PAPSS1: variants seen among roughly 807,000 people sequenced by gnomAD.
PAPSS1 encodes the protein 3'-phosphoadenosine 5'-phosphosulfate synthase 1, also known as bifunctional 3'-phosphoadenosine 5'-phosphosulfate synthase 1.
A neutral mutation model predicts 72.0 loss-of-function variants in PAPSS1; 50 were observed. The observed-to-expected ratio is 0.69, with a 90% confidence interval of 0.55 to 0.88. The LOEUF (loss-of-function observed/expected upper bound fraction) is 0.88, where lower values mean the gene tolerates loss of function less well. PAPSS1 is among the 40% of genes least tolerant of loss of function. The pLI is 0.00. For missense variants in PAPSS1, 657 were observed against 782.2 expected, an observed-to-expected ratio of 0.84 and a Z score of 1.91; for synonymous variants, 261 against 263.6, an observed-to-expected ratio of 0.99 and a Z score of 0.09.
At chr4:107,618,744 T>C (rs1039137081) in intron 11 of PAPSS1, among the ~76,000 whole-genome samples, 2 of 152,134 alleles carry the variant, frequency 1.3e-5, no homozygotes, top group Admixed American at 6.6e-5. Flanking sequence ...AATCCATCCA[T>C]GCAGTTAGTT....
intron 5 of PAPSS1, among the ~76,000 whole-genome samples, chr4:107,661,299 G>T (rs570455381): frequency 1.3e-5 from 2 of 152,242 alleles, no homozygotes; most frequent in South Asian, 4.2e-4. Flanking sequence ...TTGCCAGTTT[G>T]TTACAAAACT....
chr4:107,695,437 C>A (rs111975108), intron 2 of PAPSS1, among the ~76,000 whole-genome samples: 2,815 of 152,214 alleles, frequency 0.018, 93 homozygotes, highest in African/African-American at 0.064. Flanking sequence ...TATCTGCAAA[C>A]AGGGACAATT....
intron 6 of PAPSS1, 78 bp from the exon 7 acceptor site, chr4:107,657,085 T>C (rs753852730): frequency 4.4e-6 from 4 of 900,250 alleles, no homozygotes; most frequent in Admixed American, 1.7e-5. Flanking sequence ...TTTAGGAATT[T>C]AATTTTGAAA....
At chr4:107,707,700 T>A (rs1173723385) in intron 1 of PAPSS1, among the ~76,000 whole-genome samples, 1 of 152,214 alleles carries the variant, frequency 6.6e-6, no homozygotes, top group Non-Finnish European at 1.5e-5. Flanking sequence ...TTTTCTGATT[T>A]CTCTGCTACA....
intron 9 of PAPSS1, among the ~76,000 whole-genome samples, chr4:107,653,126 AATATATAT>A (rs1726898174): frequency 2.0e-5 from 2 of 101,676 alleles, no homozygotes; most frequent in African/African-American, 5.7e-5. Context: ...TATATACATG[AATATATAT>A]GAATATATAT....
chr4:107,686,384 T>C (rs1380023654), intron 4 of PAPSS1, among the ~76,000 whole-genome samples: 1 of 152,246 alleles, frequency 6.6e-6, no homozygotes, highest in Non-Finnish European at 1.5e-5. Context: ...ACAATGTAAA[T>C]GTTATATAAA....
rs116907663 is a variant in PAPSS1, at chr4:107,670,624, A to T, written c.670-10552T>A. On this transcript the variant is annotated intron_variant, in intron 5 of 11. Coordinates refer to ENST00000265174, the MANE Select transcript of PAPSS1 (RefSeq NM_005443.5). ...CAGAATCATAGCTCTCTGCAGCCTC[A>T]AACTCCTGGGCTCAAGAGATCCTCG... Among the ~76,000 whole-genome samples the T allele has an allele frequency of 7.0e-4, 106 of 152,258 alleles. No homozygotes were observed. The East Asian group carries it at 0.018, about 26-fold the overall frequency.
chr4:107,621,732 T>C (rs7690127), intron 11 of PAPSS1, among the ~76,000 whole-genome samples: 6,544 of 145,720 alleles, frequency 0.045, 454 homozygotes, highest in African/African-American at 0.15. Flanking sequence ...GCCATTCTCC[T>C]GCCTCAGCCT....
At chr4:107,670,821 A>AACCAC in intron 5 of PAPSS1, among the ~76,000 whole-genome samples, 1 of 152,346 alleles carries the variant, frequency 6.6e-6, no homozygotes, top group East Asian at 1.9e-4. Context: ...TACAAGTGTG[A>AACCAC]ACCACCACAC....
intron 5 of PAPSS1, among the ~76,000 whole-genome samples, chr4:107,663,241 A>G (rs1458468396): frequency 6.6e-6 from 1 of 152,192 alleles, no homozygotes; most frequent in Non-Finnish European, 1.5e-5. Flanking sequence ...TCTATAGGTC[A>G]GTTATTTCCA....
In PAPSS1 at chr4:107,693,964, T is replaced by TGACAAA; in HGVS notation, c.217_218insTTTGTC (p.Glu73delinsValCysGln). On this transcript the variant is annotated protein_altering_variant, in exon 3 of 12. Transcript: ENST00000265174. ...AATACCATGACAAACCAGGTACTCC[T>TGACAAA]CCAAGGCCATGCTCACAGTAGTCTT... 2 of 1,613,692 alleles carry TGACAAA rather than the reference T, an allele frequency of 1.2e-6. No individual in the cohort carries two copies. Among genetic ancestry groups the TGACAAA allele is most frequent in the Non-Finnish European group, 1.7e-6 (2 of 1,179,814 alleles).
rs1723733405 is a variant in PAPSS1, at chr4:107,719,869, G to GC, written c.60+250dup. On this transcript the variant is annotated intron_variant, in intron 1 of 11. Transcript: ENST00000265174. ...TGAGCGGAGGCGCTGGGGAGGGGGG[G>GC]CGTTCTTCCCACGAACGGTGGCTCG... 3 of 1,350,880 alleles carry GC rather than the reference G, an allele frequency of 2.2e-6. No individual in the cohort carries two copies. The African/African-American group carries it at 4.6e-5, about 21-fold the overall frequency. 83.7% of individuals were successfully genotyped at this position (1,350,880 alleles called of 1,614,324 possible).
At chr4:107,688,693 C>A (rs1404905654) in intron 3 of PAPSS1, among the ~76,000 whole-genome samples, 1 of 152,078 alleles carries the variant, frequency 6.6e-6, no homozygotes, top group African/African-American at 2.4e-5. Context: ...CACTGCTCAC[C>A]TTACACAGTT....
chr4:107,652,815 C>T (rs547905050), intron 9 of PAPSS1, among the ~76,000 whole-genome samples: 121 of 152,026 alleles, frequency 8.0e-4, no homozygotes, highest in African/African-American at 2.8e-3. Context: ...AAATTTGTAC[C>T]CAAAGACAGT....
chr4:107,628,828 G>A (rs779497597), intron 11 of PAPSS1, among the ~76,000 whole-genome samples: 9 of 152,288 alleles, frequency 5.9e-5, no homozygotes, highest in Non-Finnish European at 1.3e-4. Context: ...CAGAGACAAG[G>A]AAACAGGGCA....
intron 5 of PAPSS1, among the ~76,000 whole-genome samples, chr4:107,680,787 G>C (rs1428584540): frequency 2.6e-5 from 4 of 152,278 alleles, no homozygotes; most frequent in East Asian, 1.9e-4. Flanking sequence ...ATTAGAATAA[G>C]AGTGCAGAAG....
chr4:107,665,136 C>G (rs769592562), intron 5 of PAPSS1, among the ~76,000 whole-genome samples: 1 of 152,206 alleles, frequency 6.6e-6, no homozygotes, highest in Non-Finnish European at 1.5e-5. Flanking sequence ...TCAAGAGGAA[C>G]TGGGAGCATC....
intron 5 of PAPSS1, among the ~76,000 whole-genome samples, chr4:107,668,459 TCTGTGAGGGCGTTGC>T (rs1727377767): frequency 1.3e-5 from 2 of 152,126 alleles, no homozygotes; most frequent in Admixed American, 1.3e-4. Flanking sequence ...CCTGGGTGCA[TCTGTGAGGGCGTTGC>T]CAAAGGAGAT....
At chr4:107,684,986 A>G (rs947527090) in intron 4 of PAPSS1, among the ~76,000 whole-genome samples, 1 of 152,036 alleles carries the variant, frequency 6.6e-6, no homozygotes, top group East Asian at 1.9e-4. Flanking sequence ...GCTCACTGCA[A>G]GCTCTGCCTC....
Sources: gnomAD v4.1 joint callset for allele counts (sites outside exome capture counted in the v4.1 genomes callset) on GRCh38, gnomAD v4.1.1 for gene constraint, MANE v1.5 for transcripts, NCBI Gene and HGNC (gene_info 2026-07-23, HGNC 2026-07-21) for gene names.